The following LTBP1 variants were observed in gnomAD, a reference collection of about 807,000 sequenced individuals.
LTBP1 encodes the protein latent transforming growth factor beta binding protein 1.
In LTBP1, 129 loss-of-function variants were observed where a neutral mutation model predicts 207.6. That is an observed-to-expected ratio of 0.62 (90% CI 0.54 to 0.72). The LOEUF (loss-of-function observed/expected upper bound fraction) is 0.72. Ranked by LOEUF, LTBP1 falls within the 30% of genes least tolerant of loss-of-function variation. The probability of loss-of-function intolerance (pLI) is 0.00; values close to 1 mark genes in which losing one functional copy is unlikely to be tolerated. For synonymous variants in LTBP1, 963 were observed against 833.7 expected (o/e 1.16, Z -2.67); for missense variants, 2,281 against 2,217.2 (o/e 1.03, Z -0.58).
chr2:33,199,027 T>C (rs994571261), intron 7 of LTBP1, among the ~76,000 whole-genome samples: 3 of 152,182 alleles, frequency 2.0e-5, no homozygotes, highest in African/African-American at 7.2e-5. Context: ...CTTTCTCTTG[T>C]GGGCATTTAG....
intron 31 of LTBP1, among the ~76,000 whole-genome samples, chr2:33,384,893 C>T (rs150862170): frequency 6.6e-6 from 1 of 152,230 alleles, no homozygotes; most frequent in East Asian, 1.9e-4. Context: ...CCAGCACATG[C>T]TAGAAATTTG....
chr2:33,100,146 T>C (rs2079635444), intron 3 of LTBP1, among the ~76,000 whole-genome samples: 2 of 152,198 alleles, frequency 1.3e-5, no homozygotes, highest in South Asian at 2.1e-4. Flanking sequence ...TTCCTCACAA[T>C]GCGATAAGAG....
At chr2:33,069,880 C>T (rs1437049344) in intron 3 of LTBP1, among the ~76,000 whole-genome samples, 1 of 152,218 alleles carries the variant, frequency 6.6e-6, no homozygotes, top group Non-Finnish European at 1.5e-5. Context: ...GAGCTCTCAA[C>T]AGCTCACAGT....
intron 13 of LTBP1, 39 bp from the exon 14 acceptor site, chr2:33,262,681 CTT>C (rs199830072): frequency 9.3e-6 from 9 of 967,858 alleles, no homozygotes; most frequent in South Asian, 5.0e-5. Flanking sequence ...ACTTTCAATT[CTT>C]TTTTTTTTCT....
chr2:33,087,618 TG>T, intron 3 of LTBP1, among the ~76,000 whole-genome samples: 1 of 152,330 alleles, frequency 6.6e-6, no homozygotes, highest in East Asian at 1.9e-4. Context: ...TCCCACCCTC[TG>T]TCCTGCCCCC....
chr2:33,289,623 C>T (rs759479246), intron 19 of LTBP1, among the ~76,000 whole-genome samples: 14 of 152,216 alleles, frequency 9.2e-5, no homozygotes, highest in Non-Finnish European at 1.8e-4. Context: ...ACCTCAGCCT[C>T]CTGAGTTTCT....
intron 2 of LTBP1, among the ~76,000 whole-genome samples, chr2:33,008,705 A>G (rs974172374): frequency 2.0e-5 from 3 of 152,250 alleles, no homozygotes; most frequent in African/African-American, 4.8e-5. Context: ...AGAAGTGGAC[A>G]ATGACCAGAT....
chr2:33,340,946 T>C (rs1461238447), intron 24 of LTBP1, among the ~76,000 whole-genome samples: 1 of 152,230 alleles, frequency 6.6e-6, no homozygotes, highest in Non-Finnish European at 1.5e-5. Context: ...AAAAGTTTAA[T>C]TCCCCCCAAA....
intron 5 of LTBP1, among the ~76,000 whole-genome samples, chr2:33,144,564 A>G (rs2082872086): frequency 6.6e-6 from 1 of 152,212 alleles, no homozygotes; most frequent in Admixed American, 6.5e-5. Flanking sequence ...GGGCATCTCC[A>G]GTGATGTATG....
chr2:32,996,260 T>C (rs775463458), intron 2 of LTBP1, among the ~76,000 whole-genome samples: 3 of 152,200 alleles, frequency 2.0e-5, no homozygotes, highest in Non-Finnish European at 4.4e-5. Flanking sequence ...GCCTGCTTCC[T>C]AGACGGCCAT....
intron 2 of LTBP1, among the ~76,000 whole-genome samples, chr2:33,012,311 C>T (rs540370392): frequency 1.3e-5 from 2 of 152,308 alleles, no homozygotes; most frequent in Admixed American, 6.5e-5. Context: ...TCTGTGACCC[C>T]AGAGCATAGC....
intron 2 of LTBP1, among the ~76,000 whole-genome samples, chr2:32,998,283 T>C (rs1357527584): frequency 6.6e-6 from 1 of 151,980 alleles, no homozygotes. Flanking sequence ...TCTGGGAGGC[T>C]GAGGTGGGCA....
chr2:32,959,610 TA>T, intron 2 of LTBP1, among the ~76,000 whole-genome samples: 3 of 47,826 alleles, frequency 6.3e-5, no homozygotes, highest in Non-Finnish European at 1.4e-4. Flanking sequence ...TATATATATA[TA>T]TATATATATA....
At chr2:33,186,713 T>G in intron 5 of LTBP1, 143 bp from the exon 6 acceptor site, 1 of 639,396 alleles carries the variant, frequency 1.6e-6, no homozygotes, top group South Asian at 2.0e-5. Context: ...CATAGCGAGT[T>G]TACTCCTCTG....
chr2:33,397,070 C>G, intron 32 of LTBP1, 63 bp from the exon 33 acceptor site: 1 of 1,483,538 alleles, frequency 6.7e-7, no homozygotes, highest in Non-Finnish European at 9.2e-7. Flanking sequence ...ATCTAAATAT[C>G]ATTTACAAAA....
chr2:32,990,748 A>G (rs796864212), intron 2 of LTBP1, among the ~76,000 whole-genome samples: 7 of 152,234 alleles, frequency 4.6e-5, no homozygotes, highest in African/African-American at 1.7e-4. Context: ...TGTCATTAGT[A>G]ATTTTTATGA....
At chr2:33,199,311 A>G (rs187327469) in intron 7 of LTBP1, among the ~76,000 whole-genome samples, 3 of 152,268 alleles carry the variant, frequency 2.0e-5, no homozygotes, top group Non-Finnish European at 4.4e-5. Flanking sequence ...GGAGAGCTTT[A>G]CTTCCAAGTA....
chr2:33,257,385 G>A lies in LTBP1; in HGVS notation c.2269G>A (p.Val757Ile), dbSNP rs778608415. ...CCATGTAGGTAAAGGACCTGTATTT[G>A]TCAAGCCAAAGAACACTCAACCTGT... ...HHHVGKGPVF[V>I]KPKNTQPVAK... The change falls in exon 12 of 34, where the codon GTC (valine) becomes ATC (isoleucine). Residue 757 changes from valine to isoleucine, a missense_variant. Coordinates refer to ENST00000404816, the MANE Select transcript of LTBP1 (RefSeq NM_206943.4). The A allele has an allele frequency of 2.3e-5, 37 of 1,614,190 alleles. 1 individual carries two copies. The South Asian group carries it at 2.3e-4, about 10-fold the overall frequency.
intron 3 of LTBP1, among the ~76,000 whole-genome samples, chr2:33,040,972 G>C (rs1558550385): frequency 6.6e-6 from 1 of 152,166 alleles, no homozygotes; most frequent in Non-Finnish European, 1.5e-5. Context: ...CCTACCAGCT[G>C]ACTGTCAGAC....
Sources: gnomAD v4.1 joint callset for allele counts (sites outside exome capture counted in the v4.1 genomes callset) on GRCh38, gnomAD v4.1.1 for gene constraint, MANE v1.5 for transcripts, NCBI Gene and HGNC (gene_info 2026-07-23, HGNC 2026-07-21) for gene names.